KCNH8: variants seen among roughly 807,000 people sequenced by gnomAD.
KCNH8 encodes the protein voltage-gated delayed rectifier potassium channel KCNH8.
A neutral mutation model predicts 103.6 loss-of-function variants in KCNH8; 70 were observed. The observed-to-expected ratio is 0.68, with a 90% confidence interval of 0.56 to 0.82. The LOEUF is 0.82. Ranked by LOEUF, KCNH8 falls within the 40% of genes least tolerant of loss-of-function variation. The pLI is 0.00. For synonymous variants in KCNH8, 498 were observed against 489.4 expected (o/e 1.02, Z -0.23); for missense variants, 1,217 against 1,329.9 (o/e 0.92, Z 1.32).
intron 1 of KCNH8, among the ~76,000 whole-genome samples, chr3:19,157,789 C>T (rs1212938193): frequency 6.6e-6 from 1 of 151,824 alleles, no homozygotes; most frequent in Non-Finnish European, 1.5e-5. Flanking sequence ...TTCATTGTCT[C>T]TTATTAACTG....
intron 5 of KCNH8, among the ~76,000 whole-genome samples, chr3:19,354,967 T>A (rs2065859247): frequency 6.6e-6 from 1 of 152,174 alleles, no homozygotes; most frequent in Non-Finnish European, 1.5e-5. Flanking sequence ...GGAGAAAGTT[T>A]TTACAATCTG....
At chr3:19,471,988 T>G (rs781011278) in intron 11 of KCNH8, among the ~76,000 whole-genome samples, 18 of 152,368 alleles carry the variant, frequency 1.2e-4, no homozygotes, top group Non-Finnish European at 2.4e-4. Flanking sequence ...CACTTTTTTC[T>G]GTATGCTATA....
chr3:19,428,069 T>C (rs1393959871), intron 7 of KCNH8, among the ~76,000 whole-genome samples: 1 of 152,224 alleles, frequency 6.6e-6, no homozygotes, highest in Non-Finnish European at 1.5e-5. Context: ...CAAAACCTGG[T>C]CCTTCTCCCT....
At position 19,304,548 on chromosome 3, in the gene KCNH8, A is replaced by T. The variant is rs563308128; in HGVS notation, c.442+23219A>T. On this transcript the variant is annotated intron_variant, in intron 3 of 15. Coordinates refer to ENST00000328405, the MANE Select transcript of KCNH8 (RefSeq NM_144633.3). ...GAAGCACACGAACTATAAAATTTTT[A>T]AAAAACTTGTGAAGATTAAAAGATA... is the stretch of plus-strand genomic sequence containing the variant. 1.4e-4 allele frequency among the ~76,000 whole-genome samples: 21 copies of T among 152,266 alleles called. No homozygotes were observed. The South Asian group carries it at 2.3e-3, about 17-fold the overall frequency.
intron 1 of KCNH8, among the ~76,000 whole-genome samples, chr3:19,193,132 T>C (rs1242037816): frequency 1.3e-5 from 2 of 151,694 alleles, no homozygotes; most frequent in African/African-American, 4.8e-5. Context: ...TTTCTTATTA[T>C]ACTTAAAGTT....
At chr3:19,286,112 A>T (rs2064828818) in intron 3 of KCNH8, among the ~76,000 whole-genome samples, 2 of 152,150 alleles carry the variant, frequency 1.3e-5, no homozygotes, top group Admixed American at 1.3e-4. Flanking sequence ...TGGTATGCAG[A>T]TATATTTCAG....
At chr3:19,500,954 C>T (rs79153241) in intron 11 of KCNH8, among the ~76,000 whole-genome samples, 5,626 of 151,956 alleles carry the variant, frequency 0.037, 291 homozygotes, top group East Asian at 0.26. Context: ...AATAGAGACA[C>T]AAAAAACCCT....
At chr3:19,516,823 C>A (rs1024993227) in intron 14 of KCNH8, among the ~76,000 whole-genome samples, 1 of 152,002 alleles carries the variant, frequency 6.6e-6, no homozygotes, top group Admixed American at 6.6e-5. Flanking sequence ...CTACCAAAGT[C>A]TTTTCTTTGA....
intron 2 of KCNH8, among the ~76,000 whole-genome samples, chr3:19,259,705 A>G (rs2064402521): frequency 6.6e-6 from 1 of 151,748 alleles, no homozygotes; most frequent in South Asian, 2.1e-4. Flanking sequence ...TAGGTTTTCA[A>G]TTGTTTGTGA....
intron 11 of KCNH8, among the ~76,000 whole-genome samples, chr3:19,474,576 G>A (rs1050484806): frequency 1.3e-5 from 2 of 152,172 alleles, no homozygotes; most frequent in African/African-American, 4.8e-5. Context: ...TAAGGGTCAG[G>A]GGACCCAGGA....
chr3:19,177,942 A>T (rs984240400), intron 1 of KCNH8, among the ~76,000 whole-genome samples: 146 of 152,222 alleles, frequency 9.6e-4, no homozygotes, highest in African/African-American at 3.4e-3. Flanking sequence ...AAATTTGAAC[A>T]TGTCATTATA....
At chr3:19,441,488 A>G (rs1184539705) in intron 8 of KCNH8, among the ~76,000 whole-genome samples, 2 of 152,228 alleles carry the variant, frequency 1.3e-5, no homozygotes, top group Non-Finnish European at 2.9e-5. Flanking sequence ...TGACAGATCT[A>G]AAGTATGGAG....
In KCNH8 at chr3:19,253,635, TCTC is replaced by T. The variant is rs776045327; in HGVS notation, c.77-16_77-14del. ...ACACTTATCTAGTTGCTGAGTATCT[TCTC>T]CTTGTTTTTCTATAGATAGCAACTT... On this transcript the variant is annotated splice_polypyrimidine_tract_variant and intron_variant, in intron 1 of 15. Transcript: ENST00000328405. 2.6e-6 allele frequency: 4 copies of T among 1,556,578 alleles called. No individual in the cohort carries two copies. The highest frequency in any genetic ancestry group is 1.7e-5 in the Admixed American group (1 of 59,736).
intron 3 of KCNH8, among the ~76,000 whole-genome samples, chr3:19,335,419 ATG>A (rs1401586738): frequency 1.1e-5 from 1 of 91,090 alleles, no homozygotes; most frequent in Non-Finnish European, 2.1e-5. Flanking sequence ...AAAGTAGTAT[ATG>A]TGTGTGTATA....
At chr3:19,193,648 G>A in intron 1 of KCNH8, among the ~76,000 whole-genome samples, 1 of 151,676 alleles carries the variant, frequency 6.6e-6, no homozygotes, top group East Asian at 1.9e-4. Context: ...TTTAAATTTT[G>A]AATAGAGGGA....
chr3:19,402,244 A>C (rs913634243), intron 7 of KCNH8, among the ~76,000 whole-genome samples: 9 of 151,968 alleles, frequency 5.9e-5, no homozygotes, highest in Non-Finnish European at 1.5e-5. Flanking sequence ...ATACTCTATT[A>C]ACATCCTATC....
intron 8 of KCNH8, among the ~76,000 whole-genome samples, chr3:19,444,895 T>C (rs1255284159): frequency 6.6e-6 from 1 of 152,006 alleles, no homozygotes. Flanking sequence ...ATACTGTTGA[T>C]GGGCATGTCA....
intron 1 of KCNH8, among the ~76,000 whole-genome samples, chr3:19,202,101 T>C (rs907315306): frequency 6.6e-6 from 1 of 152,070 alleles, no homozygotes; most frequent in Admixed American, 6.6e-5. Context: ...GAGAGTTGGG[T>C]TTAAAAATGT....
intron 1 of KCNH8, among the ~76,000 whole-genome samples, chr3:19,170,653 CAT>C (rs1260388959): frequency 3.6e-5 from 5 of 138,002 alleles, no homozygotes; most frequent in African/African-American, 9.2e-5. Flanking sequence ...TATACACACA[CAT>C]ATATACACAC....
Sources: allele counts gnomAD v4.1 joint callset (sites outside exome capture counted in the v4.1 genomes callset), GRCh38; gene constraint gnomAD v4.1.1; transcripts MANE v1.5; gene names NCBI Gene and HGNC (gene_info 2026-07-23, HGNC 2026-07-21).